The following PDCD1LG2 variants were observed in gnomAD, a reference collection of about 807,000 sequenced individuals.
PDCD1LG2 encodes the protein B7 dendritic cell molecule.
Under a neutral mutation model 28.2 loss-of-function variants are expected in PDCD1LG2, and 32 were observed. That is an observed-to-expected ratio of 1.13 (90% CI 0.86 to 1.52). PDCD1LG2 has a LOEUF of 1.52. Among genes scored for constraint, PDCD1LG2 ranks in the 40% most tolerant of loss-of-function variants. The pLI is 0.00. For synonymous variants in PDCD1LG2, 116 were observed against 120.2 expected (o/e 0.97, Z 0.23); for missense variants, 385 against 323.8 (o/e 1.19, Z -1.45).
At chr9:5,529,367 GT>G (rs1390306523) in intron 2 of PDCD1LG2, among the ~76,000 whole-genome samples, 1 of 152,146 alleles carries the variant, frequency 6.6e-6, no homozygotes, top group Non-Finnish European at 1.5e-5. Flanking sequence ...AGTTTTACAT[GT>G]AGATGTTCAG....
intron 3 of PDCD1LG2, 66 bp downstream of exon 3, chr9:5,535,116 A>G: frequency 7.1e-7 from 1 of 1,415,714 alleles, no homozygotes; most frequent in South Asian, 1.4e-5. Context: ...CAAGTCACAG[A>G]AACCCATTAA....
chr9:5,560,711 G>T (rs1027509318), intron 5 of PDCD1LG2, among the ~76,000 whole-genome samples: 7 of 149,034 alleles, frequency 4.7e-5, no homozygotes. Context: ...TTAGTCCATT[G>T]CAAAGTTAAG....
intron 3 of PDCD1LG2, among the ~76,000 whole-genome samples, chr9:5,538,537 A>C (rs1242257008): frequency 6.6e-6 from 1 of 152,010 alleles, no homozygotes; most frequent in Non-Finnish European, 1.5e-5. Context: ...ATACAACAAA[A>C]ATTAGCCGGG....
At chr9:5,546,395 A>C (rs997581805) in intron 3 of PDCD1LG2, among the ~76,000 whole-genome samples, 8 of 152,234 alleles carry the variant, frequency 5.3e-5, no homozygotes, top group African/African-American at 1.9e-4. Context: ...ATGATTACAA[A>C]AGACATTGAA....
Position 5,522,458 on chromosome 9 carries a change from T to A in PDCD1LG2, c.-14-75T>A, listed in dbSNP as rs553777551. On this transcript the variant is annotated intron_variant, in intron 1 of 6. Transcript: ENST00000397747. ...CCCAAATGATTTGTTATTCCCCTGT[T>A]TTCAAAAGTGAACAAAGAACCAAAG... 4.3e-5 allele frequency: 51 copies of A among 1,174,228 alleles called. 1 individual carries two copies. In the South Asian group the frequency reaches 6.4e-4, roughly 15 times the overall value. 72.7% of individuals were successfully genotyped at this position (1,174,228 alleles called of 1,614,324 possible).
intron 6 of PDCD1LG2, among the ~76,000 whole-genome samples, chr9:5,566,198 C>G (rs1200642793): frequency 6.6e-6 from 1 of 152,212 alleles, no homozygotes; most frequent in African/African-American, 2.4e-5. Flanking sequence ...ATGTCCCTTG[C>G]ATGTACTTCT....
chr9:5,522,284 C>G (rs981956411), intron 1 of PDCD1LG2, among the ~76,000 whole-genome samples: 1 of 152,172 alleles, frequency 6.6e-6, no homozygotes, highest in East Asian at 1.9e-4. Context: ...GGTTCATATT[C>G]AGAAACGGCC....
chr9:5,515,135 T>G (rs1283781478), intron 1 of PDCD1LG2, among the ~76,000 whole-genome samples: 1 of 152,252 alleles, frequency 6.6e-6, no homozygotes. Context: ...TTCTGTTCAC[T>G]ACCTGTGGTT....
intron 1 of PDCD1LG2, among the ~76,000 whole-genome samples, chr9:5,520,805 G>C (rs943950821): frequency 2.6e-5 from 4 of 152,104 alleles, no homozygotes; most frequent in Non-Finnish European, 4.4e-5. Flanking sequence ...AAATAGTTTG[G>C]CAATTCCTCA....
At chr9:5,568,826 A>G (rs1563836309) in intron 6 of PDCD1LG2, among the ~76,000 whole-genome samples, 2 of 152,198 alleles carry the variant, frequency 1.3e-5, no homozygotes, top group Non-Finnish European at 2.9e-5. Context: ...AAGTCTGTGT[A>G]TTTTTTATGG....
intron 4 of PDCD1LG2, among the ~76,000 whole-genome samples, chr9:5,557,414 G>A (rs1390199665): frequency 2.6e-5 from 4 of 152,198 alleles, no homozygotes; most frequent in Non-Finnish European, 5.9e-5. Flanking sequence ...CCAGTGAAAT[G>A]GGGATCATAG....
At chr9:5,537,808 A>G (rs1307618293) in intron 3 of PDCD1LG2, among the ~76,000 whole-genome samples, 2 of 152,204 alleles carry the variant, frequency 1.3e-5, no homozygotes, top group Non-Finnish European at 2.9e-5. Context: ...GCAGCACACC[A>G]ATATGGCACA....
chr9:5,546,967 A>T (rs1379440430), intron 3 of PDCD1LG2, among the ~76,000 whole-genome samples: 1 of 152,120 alleles, frequency 6.6e-6, no homozygotes, highest in Admixed American at 6.6e-5. Flanking sequence ...GTGAACCCAG[A>T]TCTAGTGGGT....
chr9:5,519,337 G>A (rs1820229997), intron 1 of PDCD1LG2, among the ~76,000 whole-genome samples: 1 of 152,144 alleles, frequency 6.6e-6, no homozygotes, highest in Admixed American at 6.5e-5. Flanking sequence ...GCATTTGAAA[G>A]GTGTGCTCAT....
chr9:5,560,485 A>G (rs1168308132), intron 5 of PDCD1LG2, among the ~76,000 whole-genome samples: 2 of 152,190 alleles, frequency 1.3e-5, no homozygotes, highest in African/African-American at 2.4e-5. Flanking sequence ...CCACAGTGCT[A>G]CAAGATTACA....
intron 3 of PDCD1LG2, 145 bp downstream of exon 3, chr9:5,535,195 C>G: frequency 1.3e-6 from 1 of 763,588 alleles, no homozygotes; most frequent in Non-Finnish European, 2.0e-6. Context: ...ATGAAAGCAT[C>G]TGCTCGGAAA....
intron 2 of PDCD1LG2, among the ~76,000 whole-genome samples, chr9:5,525,499 C>T (rs1358940415): frequency 6.6e-6 from 1 of 151,166 alleles, no homozygotes; most frequent in African/African-American, 2.4e-5. Context: ...GGTATATTTG[C>T]AGAATATATA....
intron 6 of PDCD1LG2, among the ~76,000 whole-genome samples, chr9:5,563,774 G>A (rs1051126274): frequency 2.0e-5 from 3 of 152,246 alleles, no homozygotes; most frequent in Non-Finnish European, 4.4e-5. Context: ...AAATGTGTAG[G>A]GCAGGCCAGC....
intron 5 of PDCD1LG2, among the ~76,000 whole-genome samples, chr9:5,559,052 G>C (rs1816504390): frequency 6.6e-6 from 1 of 152,184 alleles, no homozygotes; most frequent in African/African-American, 2.4e-5. Flanking sequence ...CCTGGGGCCT[G>C]AGGACTCCTT....
Sources: gnomAD v4.1 joint callset for allele counts (sites outside exome capture counted in the v4.1 genomes callset) on GRCh38, gnomAD v4.1.1 for gene constraint, MANE v1.5 for transcripts, NCBI Gene and HGNC (gene_info 2026-07-23, HGNC 2026-07-21) for gene names.